The following RRP15 variants were observed in gnomAD, a reference collection of about 807,000 sequenced individuals.
The protein encoded by RRP15 is RRP15-like protein.
RRP15 carries 18 observed loss-of-function variants against 27.1 expected under a neutral mutation model. The ratio of observed to expected loss-of-function variants is 0.66; its 90% CI spans 0.46 to 0.98. The LOEUF is 0.98. Among genes scored for constraint, RRP15 ranks in the 50% least tolerant of loss-of-function variants. The pLI, the probability that RRP15 is intolerant of heterozygous loss-of-function variation, is 0.00. For missense variants in RRP15, 359 were observed against 337.8 expected (o/e 1.06, Z -0.49); for synonymous variants, 107 against 109.4 (o/e 0.98, Z 0.14).
chr1:218,329,960 A>G (rs954079030), intron 4 of RRP15, among the ~76,000 whole-genome samples: 3 of 152,028 alleles, frequency 2.0e-5, no homozygotes, highest in Non-Finnish European at 4.4e-5. Flanking sequence ...AACTGTTTTT[A>G]TGTAGTTAAT....
chr1:218,310,932 A>G (rs973404620), intron 4 of RRP15, among the ~76,000 whole-genome samples: 1 of 152,042 alleles, frequency 6.6e-6, no homozygotes, highest in East Asian at 1.9e-4. Context: ...TATTTTTAGT[A>G]GAGACAGGGT....
At chr1:218,292,625 C>T (rs1353686187) in intron 1 of RRP15, among the ~76,000 whole-genome samples, 3 of 152,200 alleles carry the variant, frequency 2.0e-5, no homozygotes, top group Non-Finnish European at 4.4e-5. Flanking sequence ...ATACATTTTA[C>T]TGAGTTAGTG....
chr1:218,285,382 G>A lies in RRP15; in HGVS notation c.66G>A (p.Lys22=). 7 of 1,614,160 alleles carry A rather than the reference G, an allele frequency of 4.3e-6. No homozygotes were observed. In the South Asian group the frequency reaches 5.5e-5, roughly 13 times the overall value. The part of the protein sequence containing the change: ...EEENLKKTPK[K]KMKMVTGAVA... ...AAAACCTGAAAAAGACCCCAAAGAA[G>A]AAGATGAAAATGGTAACTGGAGCCG... is the stretch of plus-strand genomic sequence containing the variant. Residue 22 remains lysine (K), a synonymous_variant, in exon 1 of 5, where the codon AAG becomes AAA. Coordinates refer to ENST00000366932, the MANE Select transcript of RRP15 (RefSeq NM_016052.4).
rs1418410895 is a variant in RRP15 at position 218,304,956 on chromosome 1, G to A, written c.406-72G>A. ...TTTATTACCTTCACCCTTTCACAGA[G>A]TATCATACCAATGTTTGCTGCACTT... On this transcript the variant is annotated intron_variant, in intron 2 of 4. Transcript: ENST00000366932. 2.9e-6 allele frequency: 4 copies of A among 1,362,130 alleles called. No homozygotes were observed. The Admixed American group carries it at 7.0e-5, about 24-fold the overall frequency. 84.4% of individuals were successfully genotyped at this position (1,362,130 alleles called of 1,614,324 possible). A position where few individuals can be genotyped will look rare whatever the true frequency, so the allele number is the denominator to read the frequency against.
At chr1:218,327,596 G>A (rs1372354155) in intron 4 of RRP15, among the ~76,000 whole-genome samples, 2 of 152,134 alleles carry the variant, frequency 1.3e-5, no homozygotes, top group Non-Finnish European at 2.9e-5. Context: ...GAGCCACCAC[G>A]CCTGGCCTTA....
intron 4 of RRP15, among the ~76,000 whole-genome samples, chr1:218,314,999 AAAAAAAAAAAG>A (rs201053597): frequency 0.023 from 3,349 of 148,750 alleles, 121 homozygotes; most frequent in African/African-American, 0.082. Flanking sequence ...TCAAAAAAAA[AAAAAAAAAAAG>A]AAAGAAAGTG....
At chr1:218,319,344 C>T (rs1571806081) in intron 4 of RRP15, among the ~76,000 whole-genome samples, 1 of 152,174 alleles carries the variant, frequency 6.6e-6, no homozygotes, top group South Asian at 2.1e-4. Context: ...GGATTACAGA[C>T]GTGAGCCACT....
rs1320205328 is a variant in RRP15 at position 218,302,653 on chromosome 1, C to A, written c.405+94C>A. ...TTTCTTGCAGTGTTTGACCAATTAACGTTCCAGTTTTTAACTTGTTTTTTA... is the reference window on the plus strand; with the variant it reads ...TTTCTTGCAGTGTTTGACCAATTAAAGTTCCAGTTTTTAACTTGTTTTTTA... On this transcript the variant is annotated intron_variant, in intron 2 of 4. Coordinates refer to ENST00000366932, the MANE Select transcript of RRP15 (RefSeq NM_016052.4). The A allele has an allele frequency of 2.7e-6, 4 of 1,508,918 alleles. No individual in the cohort carries two copies. The South Asian group carries it at 4.2e-5, about 16-fold the overall frequency. The allele number at this position is 1,508,918 out of a possible 1,614,324, so 93.5% of individuals were successfully genotyped here.
Position 218,335,866 on chromosome 1 carries a change from A to G in RRP15, c.*4775A>G, listed in dbSNP as rs76722703. 13 of 152,300 alleles carry G rather than the reference A, an allele frequency of 8.5e-5. No homozygotes were observed. The East Asian group carries it at 2.3e-3, about 27-fold the overall frequency. The allele number at this position is 152,300 out of a possible 1,614,324, so 9.4% of individuals were successfully genotyped here. ...TTTTTAAAAAGATATGTTTCTTTAT[A>G]ATTAACTTGTATTGTAGGGTAACCA... On this transcript the variant is annotated 3_prime_UTR_variant, in exon 5 of 5. Coordinates refer to ENST00000366932, the MANE Select transcript of RRP15 (RefSeq NM_016052.4).
chr1:218,315,854 GT>G (rs1656082872), intron 4 of RRP15, among the ~76,000 whole-genome samples: 1 of 152,066 alleles, frequency 6.6e-6, no homozygotes, highest in African/African-American at 2.4e-5. Context: ...GGACAACAGT[GT>G]TTTACTCTCA....
intron 4 of RRP15, among the ~76,000 whole-genome samples, chr1:218,313,045 G>A (rs568253973): frequency 5.9e-5 from 9 of 152,166 alleles, no homozygotes; most frequent in Non-Finnish European, 1.2e-4. Flanking sequence ...GGTCAGATTT[G>A]ATTTTTCTGT....
chr1:218,296,090 T>C (rs948911474), intron 1 of RRP15, among the ~76,000 whole-genome samples: 2 of 152,160 alleles, frequency 1.3e-5, no homozygotes, highest in African/African-American at 4.8e-5. Context: ...AGAATGAGGA[T>C]GGTGAGCAGA....
chr1:218,291,282 A>C (rs893283735), intron 1 of RRP15, among the ~76,000 whole-genome samples: 17 of 151,860 alleles, frequency 1.1e-4, no homozygotes, highest in Admixed American at 4.6e-4. Flanking sequence ...ACCAAAAAAA[A>C]AATATACAAA....
Position 218,285,325 on chromosome 1 carries a change from C to A in RRP15, c.9C>A (p.Ala3=), listed in dbSNP as rs768751399. The change falls in exon 1 of 5, where the codon GCC becomes GCA. Residue 3 remains alanine (A), a synonymous_variant. Coordinates refer to ENST00000366932, the MANE Select transcript of RRP15 (RefSeq NM_016052.4). ...GCTTCCGGCGCAGAAAAATGGCAGC[C>A]GCCGCTCCGGACTCACGTGTGAGTG... MA[A]AAPDSRVSEE... is the part of the protein sequence containing the mutation. 21 of 1,613,078 alleles carry A rather than the reference C, an allele frequency of 1.3e-5. No homozygotes were observed. The highest frequency in any genetic ancestry group is 1.7e-5 in the Non-Finnish European group (20 of 1,179,760).
At chr1:218,309,939 G>A (rs1005303396) in intron 4 of RRP15, among the ~76,000 whole-genome samples, 10 of 152,080 alleles carry the variant, frequency 6.6e-5, no homozygotes, top group African/African-American at 1.9e-4. Flanking sequence ...GAGTAACGGT[G>A]TACTATTTAT....
In RRP15 at chr1:218,335,074, G is replaced by A. The variant is rs1656429030; in HGVS notation, c.*3983G>A. The A allele has an allele frequency of 2.6e-5, 4 of 152,124 alleles. No homozygotes were observed. The South Asian group carries it at 8.3e-4, about 32-fold the overall frequency. The allele number at this position is 152,124 out of a possible 1,614,324, so 9.4% of individuals were successfully genotyped here. A position where few individuals can be genotyped will look rare whatever the true frequency, so the allele number is the denominator to read the frequency against. The stretch of plus-strand genomic sequence containing the variant: ...TTTTAATAAAATGCTAAGTTAGAAT[G>A]AATAATCATAATTATATAGATGGAA... On this transcript the variant is annotated 3_prime_UTR_variant, in exon 5 of 5. Coordinates refer to ENST00000366932, the MANE Select transcript of RRP15 (RefSeq NM_016052.4).
At chr1:218,321,243 G>A (rs1376165083) in intron 4 of RRP15, among the ~76,000 whole-genome samples, 1 of 152,198 alleles carries the variant, frequency 6.6e-6, no homozygotes, top group Non-Finnish European at 1.5e-5. Context: ...GCCAAGGAAG[G>A]TGGGGACTGT....
intron 3 of RRP15, among the ~76,000 whole-genome samples, chr1:218,307,094 C>T (rs924652635): frequency 1.3e-5 from 2 of 152,152 alleles, no homozygotes; most frequent in Non-Finnish European, 1.5e-5. Context: ...TTGCAGATAA[C>T]GTAGCTAAAT....
At chr1:218,305,912 G>A (rs1655892264) in intron 3 of RRP15, among the ~76,000 whole-genome samples, 1 of 152,088 alleles carries the variant, frequency 6.6e-6, no homozygotes, top group Non-Finnish European at 1.5e-5. Flanking sequence ...TACTAGCAGT[G>A]TGTCCCTGGG....
Sources: gnomAD v4.1 joint callset for allele counts (sites outside exome capture counted in the v4.1 genomes callset) on GRCh38, gnomAD v4.1.1 for gene constraint, MANE v1.5 for transcripts, NCBI Gene and HGNC (gene_info 2026-07-23, HGNC 2026-07-21) for gene names.